ZNF469: variants seen among roughly 807,000 people sequenced by gnomAD.
The protein encoded by ZNF469 is zinc finger protein 469.
In ZNF469, 1 loss-of-function variant was observed where a neutral mutation model predicts 1.0. That is an observed-to-expected ratio of 1.00 (90% CI 0.35 to 4.73). ZNF469 has a LOEUF of 4.73. Ranked by LOEUF, ZNF469 falls within the 30% of genes most tolerant of loss-of-function variation. The probability of loss-of-function intolerance (pLI) is 0.16; values close to 1 mark genes in which losing one functional copy is unlikely to be tolerated. For synonymous variants in ZNF469, 2,703 were observed against 2,363.4 expected (o/e 1.14, Z -4.17); for missense variants, 6,100 against 5,356.3 (o/e 1.14, Z -4.33).
At chr16:88,341,163 A>G in the ZNF469 span, among the ~76,000 whole-genome samples, 1 of 152,134 alleles carries the variant, frequency 6.6e-6, no homozygotes, top group Admixed American at 6.5e-5. Flanking sequence ...ATTTTGTACA[A>G]TCCTGTAAAT....
chr16:88,427,218 T>A (rs534697802), intron 2 of ZNF469, among the ~76,000 whole-genome samples, 127 bp from the exon 3 acceptor site: 16 of 152,256 alleles, frequency 1.1e-4, no homozygotes, highest in Admixed American at 2.0e-4. Flanking sequence ...GGAGCTTCTG[T>A]GATGGCTGCA....
At chr16:88,157,032 C>T in the ZNF469 span, among the ~76,000 whole-genome samples, 4 of 152,228 alleles carry the variant, frequency 2.6e-5, no homozygotes, top group Admixed American at 6.5e-5. Flanking sequence ...GCCTCGGTGC[C>T]GGGGTTTCCT....
chr16:88,110,185 G>A, the ZNF469 span, among the ~76,000 whole-genome samples: 647 of 152,296 alleles, frequency 4.2e-3, 2 homozygotes, highest in African/African-American at 0.014. Context: ...AATCACCCAG[G>A]CCGAGGCCGC....
At chr16:88,257,942 C>A in the ZNF469 span, among the ~76,000 whole-genome samples, 13 of 152,212 alleles carry the variant, frequency 8.5e-5, no homozygotes, top group Admixed American at 7.9e-4. Context: ...ATAGAATGTG[C>A]GTCCAGAAGC....
At chr16:88,165,558 C>T in the ZNF469 span, among the ~76,000 whole-genome samples, 1 of 152,220 alleles carries the variant, frequency 6.6e-6, no homozygotes, top group Non-Finnish European at 1.5e-5. Flanking sequence ...TCTCTGGGGA[C>T]TGCTCGGCCC....
chr16:88,170,929 G>T, the ZNF469 span, among the ~76,000 whole-genome samples: 1 of 152,178 alleles, frequency 6.6e-6, no homozygotes, highest in South Asian at 2.1e-4. The surrounding 1 kb of genome is among the most constrained non-coding windows in gnomAD (Gnocchi z 4.2). Context: ...GCGGGGGACA[G>T]CAGACTTCCC....
the ZNF469 span, among the ~76,000 whole-genome samples, chr16:88,274,101 C>A: frequency 1.3e-5 from 2 of 152,290 alleles, no homozygotes; most frequent in African/African-American, 4.8e-5. Flanking sequence ...CCGCGCCTGG[C>A]CAGAATATTT....
At chr16:88,229,386 G>C in the ZNF469 span, among the ~76,000 whole-genome samples, 3 of 152,228 alleles carry the variant, frequency 2.0e-5, no homozygotes, top group Non-Finnish European at 4.4e-5. Flanking sequence ...CCAGCCCTGG[G>C]AGGACTTAAC....
At chr16:88,180,524 C>T in the ZNF469 span, among the ~76,000 whole-genome samples, 1 of 152,310 alleles carries the variant, frequency 6.6e-6, no homozygotes, top group African/African-American at 2.4e-5. Flanking sequence ...GTAATCCCAG[C>T]ACTTTGGGAG....
At chr16:88,190,235 A>G in the ZNF469 span, among the ~76,000 whole-genome samples, 1 of 152,190 alleles carries the variant, frequency 6.6e-6, no homozygotes, top group African/African-American at 2.4e-5. Flanking sequence ...TTGTAAACTC[A>G]CAGGAGTGGG....
Position 88,430,217 on chromosome 16 carries a change from G to C in ZNF469, c.2747G>C (p.Arg916Thr). Residue 916 changes from arginine (R) to threonine (T), a missense_variant, in exon 3 of 3, where the codon AGG becomes ACG. Coordinates refer to ENST00000565624, the MANE Select transcript of ZNF469 (RefSeq NM_001367624.2). ...PDPQTPRPGDRGCPARGRPKT... is the reference protein window; with the variant it reads ...PDPQTPRPGDTGCPARGRPKT... ...CCCCAAACCCCCCGCCCTGGGGACAGGGGCTGCCCAGCCCGAGGCAGGCCC... is the reference window on the plus strand; with the variant it reads ...CCCCAAACCCCCCGCCCTGGGGACACGGGCTGCCCAGCCCGAGGCAGGCCC... The C allele has an allele frequency of 6.5e-7, 1 of 1,541,438 alleles. No individual in the cohort carries two copies. Among genetic ancestry groups the C allele is most frequent in the Non-Finnish European group, 8.8e-7 (1 of 1,142,260 alleles).
At chr16:88,380,064 CACACACAG>C (rs1418766188), upstream of ZNF469, among the ~76,000 whole-genome samples, 1 of 150,702 alleles carries the variant, frequency 6.6e-6, no homozygotes, top group African/African-American at 2.4e-5. Flanking sequence ...CACACATACT[CACACACAG>C]ACACGCACTC....
At chr16:88,296,829 C>T in the ZNF469 span, among the ~76,000 whole-genome samples, 2 of 152,300 alleles carry the variant, frequency 1.3e-5, no homozygotes, top group African/African-American at 4.8e-5. Flanking sequence ...ACACATACCA[C>T]GCACACACTC....
the ZNF469 span, among the ~76,000 whole-genome samples, chr16:88,129,226 T>C: frequency 6.6e-6 from 1 of 152,162 alleles, no homozygotes; most frequent in Non-Finnish European, 1.5e-5. Flanking sequence ...GGAACCAAAC[T>C]AACACGAGCC....
At chr16:88,226,256 G>A in the ZNF469 span, among the ~76,000 whole-genome samples, 1 of 152,294 alleles carries the variant, frequency 6.6e-6, no homozygotes, top group African/African-American at 2.4e-5. Context: ...CCAGCACGCA[G>A]GATGTGAGCT....
At chr16:88,346,885 C>T in the ZNF469 span, among the ~76,000 whole-genome samples, 3 of 152,238 alleles carry the variant, frequency 2.0e-5, no homozygotes, top group African/African-American at 4.8e-5. Flanking sequence ...CTCAGACTTT[C>T]TTCAGAACCA....
In ZNF469 at chr16:88,382,994, C is replaced by T. The variant is rs1432581905; in HGVS notation, c.-452C>T. 6.6e-6 allele frequency among the ~76,000 whole-genome samples: 1 copy of T among 151,912 alleles called. No individual in the cohort carries two copies. The highest frequency in any genetic ancestry group is 1.5e-5 in the Non-Finnish European group (1 of 67,954). ...GCCGCCGGCCGGCGTCCGGCCTTCC[C>T]AGCACCCGGCCCAGGGCTGGAGCTG... On this transcript the variant is annotated 5_prime_UTR_variant, in exon 1 of 3. Coordinates refer to ENST00000565624, the MANE Select transcript of ZNF469 (RefSeq NM_001367624.2).
At chr16:88,168,253 G>A in the ZNF469 span, among the ~76,000 whole-genome samples, 1 of 152,160 alleles carries the variant, frequency 6.6e-6, no homozygotes, top group South Asian at 2.1e-4. The surrounding 1 kb of genome is among the most constrained non-coding windows in gnomAD (Gnocchi z 4.3). Flanking sequence ...GTGTCTGAGG[G>A]GTACTGAACT....
At chr16:88,292,086 C>G in the ZNF469 span, among the ~76,000 whole-genome samples, 9 of 152,238 alleles carry the variant, frequency 5.9e-5, no homozygotes, top group Non-Finnish European at 4.4e-5. Flanking sequence ...ATATGCGGGT[C>G]ACAATTAAGG....
Sources: allele counts gnomAD v4.1 joint callset (sites outside exome capture counted in the v4.1 genomes callset), GRCh38; gene constraint gnomAD v4.1.1; non-coding constraint Gnocchi (gnomAD v3.1); transcripts MANE v1.5; gene names NCBI Gene and HGNC (gene_info 2026-07-23, HGNC 2026-07-21).